CSMD2: variants seen among roughly 807,000 people sequenced by gnomAD.
CSMD2 encodes the protein CUB and sushi domain-containing protein 2.
Under a neutral mutation model 398.5 loss-of-function variants are expected in CSMD2, and 130 were observed. That is an observed-to-expected ratio of 0.33 (90% CI 0.28 to 0.38). The LOEUF (loss-of-function observed/expected upper bound fraction) is 0.38, where lower values mean the gene tolerates loss of function less well. Among genes scored for constraint, CSMD2 ranks in the 10% least tolerant of loss-of-function variants. CSMD2 has a pLI of 1.00. For synonymous variants in CSMD2, 1,828 were observed against 1,908.5 expected (o/e 0.96, Z 1.10); for missense variants, 3,829 against 4,764.9 (o/e 0.80, Z 5.78).
intron 2 of CSMD2, among the ~76,000 whole-genome samples, chr1:34,059,375 C>A (rs1388116302): frequency 2.6e-5 from 4 of 152,186 alleles, no homozygotes; most frequent in Non-Finnish European, 5.9e-5. Context: ...CTGACACCCT[C>A]TTCCCTCAGC....
chr1:34,079,174 G>A (rs545163893), intron 2 of CSMD2, among the ~76,000 whole-genome samples: 3 of 152,138 alleles, frequency 2.0e-5, no homozygotes, highest in Middle Eastern at 3.4e-3. Context: ...GCTAAAAGAC[G>A]AAATGTTTTT....
intron 13 of CSMD2, among the ~76,000 whole-genome samples, chr1:33,771,547 AT>A (rs201225021): frequency 0.019 from 2,819 of 149,398 alleles, 86 homozygotes; most frequent in African/African-American, 0.061. Flanking sequence ...GGACAACGTG[AT>A]TTTTTTTTTT....
intron 13 of CSMD2, chr1:33,772,325 G>A: frequency 2.3e-6 from 1 of 433,976 alleles, no homozygotes; most frequent in Non-Finnish European, 4.2e-6. Context: ...CACCAAGAAG[G>A]GTAAGACGGT....
chr1:33,613,982 C>T (rs1395309841), intron 40 of CSMD2, among the ~76,000 whole-genome samples: 1 of 152,114 alleles, frequency 6.6e-6, no homozygotes, highest in Non-Finnish European at 1.5e-5. Flanking sequence ...AAAAAAACAA[C>T]CTTCCCAGTC....
At chr1:33,707,725 AC>A (rs1557765103) in intron 22 of CSMD2, among the ~76,000 whole-genome samples, 1 of 146,978 alleles carries the variant, frequency 6.8e-6, no homozygotes, top group African/African-American at 2.7e-5. Flanking sequence ...ACACACACAC[AC>A]ACACACACAC....
intron 5 of CSMD2, among the ~76,000 whole-genome samples, chr1:33,897,988 T>C (rs1478196730): frequency 6.6e-6 from 1 of 152,212 alleles, no homozygotes; most frequent in Non-Finnish European, 1.5e-5. Context: ...CCTGGGTTCC[T>C]AGTCACTTTG....
intron 46 of CSMD2, among the ~76,000 whole-genome samples, chr1:33,586,089 T>C (rs1243119563): frequency 6.6e-6 from 1 of 152,238 alleles, no homozygotes; most frequent in Non-Finnish European, 1.5e-5. Flanking sequence ...AAGACTGCTG[T>C]GGTCTCTCAG....
intron 2 of CSMD2, among the ~76,000 whole-genome samples, chr1:34,055,522 T>A (rs1348942573): frequency 6.6e-6 from 1 of 152,172 alleles, no homozygotes; most frequent in Non-Finnish European, 1.5e-5. Context: ...CTCCCCCAGA[T>A]TTGATTAATT....
At chr1:33,899,463 A>G (rs1365234995) in intron 5 of CSMD2, among the ~76,000 whole-genome samples, 1 of 152,214 alleles carries the variant, frequency 6.6e-6, no homozygotes, top group Non-Finnish European at 1.5e-5. Context: ...GACCTTGGGT[A>G]AATGACCTCA....
chr1:33,587,163 G>A lies in CSMD2; in HGVS notation c.6862C>T (p.Pro2288Ser). The A allele has an allele frequency of 6.2e-7, 1 of 1,607,646 alleles. No individual in the cohort carries two copies. The highest frequency in any genetic ancestry group is 8.5e-7 in the Non-Finnish European group (1 of 1,177,156). Residue 2288 changes from proline (P) to serine (S), a missense_variant, in exon 45 of 71, where the codon CCA becomes TCA. Physicochemically the swap from Pro to Ser is moderately conservative, Grantham distance 74. This residue lies in a region of CSMD2 where 723 missense variants were observed against 758.6 expected (regional missense o/e 0.95). Coordinates refer to ENST00000373381, the MANE Select transcript of CSMD2 (RefSeq NM_001281956.2). ...GIFAIAFSAY[P>S]LTKCPPPTIL... The stretch of plus-strand genomic sequence containing the variant: ...GTGGGAGGAGGGCATTTGGTGAGTG[G>A]ATAAGCTGAAAAGATAAAAGCAGGC...
chr1:33,837,747 A>G (rs1298002865), intron 6 of CSMD2, among the ~76,000 whole-genome samples: 1 of 152,258 alleles, frequency 6.6e-6, no homozygotes, highest in African/African-American at 2.4e-5. Context: ...GTATGTGAAC[A>G]AAGTCAGGAC....
intron 3 of CSMD2, among the ~76,000 whole-genome samples, chr1:33,991,510 A>G (rs1323449695): frequency 6.6e-6 from 1 of 152,210 alleles, no homozygotes; most frequent in Non-Finnish European, 1.5e-5. Context: ...CAGGTGGAGT[A>G]GAACCCAGCA....
Position 33,624,498 on chromosome 1 carries a change from G to A in CSMD2, c.5625+21C>T, listed in dbSNP as rs1432344810. 1.2e-5 allele frequency: 20 copies of A among 1,611,066 alleles called. No individual in the cohort carries two copies. The East Asian group carries it at 1.6e-4, about 13-fold the overall frequency. ...GGAGCAGACGGCCACCTGCCCGACC[G>A]AGGCGCCCCCTTGCCCCTACCTGGA... On this transcript the variant is annotated intron_variant, in intron 35 of 70. Transcript: ENST00000373381. The surrounding 1 kb of genome is among the most constrained non-coding windows in gnomAD (Gnocchi z 4.7).
intron 44 of CSMD2, among the ~76,000 whole-genome samples, chr1:33,588,610 A>G (rs1049506304): frequency 7.9e-5 from 12 of 152,214 alleles, no homozygotes; most frequent in African/African-American, 1.2e-4. Flanking sequence ...AAATACCTAA[A>G]TATATGCAAC....
At position 33,587,187 on chromosome 1, in the gene CSMD2, G is replaced by A. The variant is rs199985391; in HGVS notation, c.6857-19C>T. The A allele has an allele frequency of 1.4e-5, 22 of 1,571,896 alleles. No homozygotes were observed. In the East Asian group the frequency reaches 2.7e-4, roughly 19 times the overall value. On this transcript the variant is annotated intron_variant, in intron 44 of 70. Coordinates refer to ENST00000373381, the MANE Select transcript of CSMD2 (RefSeq NM_001281956.2). ...GGATAAGCTGAAAAGATAAAAGCAG[G>A]CAAGTCAGGGTAAGATCATCATTCT...
intron 5 of CSMD2, chr1:33,864,357 G>C: frequency 6.2e-7 from 1 of 1,614,098 alleles, no homozygotes; most frequent in African/African-American, 1.3e-5. Flanking sequence ...CTCAAAGCAT[G>C]AAAAGGCCAA....
upstream of CSMD2, chr1:34,165,343 C>T: frequency 4.2e-6 from 5 of 1,197,860 alleles, no homozygotes; most frequent in Non-Finnish European, 4.1e-6. Context: ...GAATTATCCC[C>T]GGATTAATCA....
At position 33,652,248 on chromosome 1, in the gene CSMD2, C is replaced by T. The variant is rs975526248; in HGVS notation, c.4586+75G>A. The stretch of plus-strand genomic sequence containing the variant: ...ACTCTGCTACAGACCTGTGAATACT[C>T]ACCTGGAGACCCAGGTCCCAGAGCC... On this transcript the variant is annotated intron_variant, in intron 28 of 70. Coordinates refer to ENST00000373381, the MANE Select transcript of CSMD2 (RefSeq NM_001281956.2). 8 of 1,500,410 alleles carry T rather than the reference C, an allele frequency of 5.3e-6. No homozygotes were observed. In the Admixed American group the frequency reaches 1.0e-4, roughly 19 times the overall value. 92.9% of individuals were successfully genotyped at this position (1,500,410 alleles called of 1,614,324 possible).
chr1:33,542,721 G>T lies in CSMD2; in HGVS notation c.9276C>A (p.Leu3092=), dbSNP rs752786294. 3.7e-6 allele frequency: 6 copies of T among 1,612,856 alleles called. No individual in the cohort carries two copies. Among genetic ancestry groups the T allele is most frequent in the Non-Finnish European group, 4.2e-6 (5 of 1,179,448 alleles). ...AACCCGTAGGGCCTGAGCTCTCACC[G>T]AGGCACTCAGGGTCACTGCCTGTCC... ...GTWTGSDPEC[L]VINCGDPGIP... The change falls in exon 58 of 71, where the codon CTC becomes CTA. Residue 3092 remains leucine (L), a splice_region_variant and synonymous_variant. Transcript: ENST00000373381.
Sources: allele counts gnomAD v4.1 joint callset (sites outside exome capture counted in the v4.1 genomes callset), GRCh38; gene constraint gnomAD v4.1.1; regional missense constraint gnomAD v4.1.1; non-coding constraint Gnocchi (gnomAD v3.1); transcripts MANE v1.5; gene names NCBI Gene and HGNC (gene_info 2026-07-23, HGNC 2026-07-21).